KLF13: variants seen among roughly 807,000 people sequenced by gnomAD.
KLF13 encodes the protein Krueppel-like factor 13.
In KLF13, 8 loss-of-function variants were observed where a neutral mutation model predicts 16.7. That is an observed-to-expected ratio of 0.48 (90% CI 0.28 to 0.87). The LOEUF is 0.87. Ranked by LOEUF, KLF13 falls within the 40% of genes least tolerant of loss-of-function variation. The pLI is 0.10. For missense variants in KLF13, 447 were observed against 452.2 expected (o/e 0.99, Z 0.10); for synonymous variants, 245 against 208.4 (o/e 1.18, Z -1.51).
chr15:31,369,858 C>G (rs565187682), intron 1 of KLF13, among the ~76,000 whole-genome samples: 1 of 152,274 alleles, frequency 6.6e-6, no homozygotes, highest in African/African-American at 2.4e-5. Context: ...TGATGTCTAT[C>G]CCAGCCTTGT....
At chr15:31,408,433 T>A (rs949243121), downstream of KLF13, among the ~76,000 whole-genome samples, 3 of 152,116 alleles carry the variant, frequency 2.0e-5, no homozygotes, top group African/African-American at 7.2e-5. Flanking sequence ...AACAGTGTCA[T>A]CCTTATGAGA....
At chr15:31,424,624 C>A (rs2040379934) in intron 1 of KLF13, among the ~76,000 whole-genome samples, 1 of 152,066 alleles carries the variant, frequency 6.6e-6, no homozygotes, top group African/African-American at 2.4e-5. Context: ...AAGATATTAT[C>A]TGACCATATT....
intron 2 of KLF13, among the ~76,000 whole-genome samples, chr15:31,396,823 C>T (rs2039957148): frequency 6.6e-6 from 1 of 152,122 alleles, no homozygotes; most frequent in Non-Finnish European, 1.5e-5. Flanking sequence ...GCAGTCTAGT[C>T]CCTAGGCAGG....
At chr15:31,369,957 C>T (rs1172642309) in intron 1 of KLF13, among the ~76,000 whole-genome samples, 1 of 152,006 alleles carries the variant, frequency 6.6e-6, no homozygotes, top group Non-Finnish European at 1.5e-5. Flanking sequence ...TCTGACATTG[C>T]AGAGCTTCTC....
chr15:31,405,918 A>G (rs549390460), downstream of KLF13, among the ~76,000 whole-genome samples: 9 of 152,236 alleles, frequency 5.9e-5, no homozygotes, highest in Non-Finnish European at 1.3e-4. Context: ...AAGGCAATGA[A>G]TAGAATAAGA....
chr15:31,397,783 G>A (rs911467603), intron 2 of KLF13, among the ~76,000 whole-genome samples: 3 of 151,116 alleles, frequency 2.0e-5, no homozygotes, highest in Non-Finnish European at 4.4e-5. Context: ...AATGTCAGAG[G>A]GATGAACTAC....
intron 1 of KLF13, among the ~76,000 whole-genome samples, chr15:31,333,920 C>T (rs2038880342): frequency 6.6e-6 from 1 of 151,994 alleles, no homozygotes; most frequent in African/African-American, 2.4e-5. Flanking sequence ...CAAAATATGG[C>T]ACAGGTGATA....
intron 1 of KLF13, among the ~76,000 whole-genome samples, chr15:31,410,669 A>T (rs1167409593): frequency 1.3e-5 from 2 of 152,116 alleles, no homozygotes; most frequent in African/African-American, 4.8e-5. Context: ...AAATATCATC[A>T]GAGATAAAGG....
chr15:31,327,811 C>A, intron 1 of KLF13, 22 bp downstream of exon 1: 1 of 1,442,140 alleles, frequency 6.9e-7, no homozygotes, highest in Non-Finnish European at 9.2e-7. Context: ...GGCGCGGGCG[C>A]CCGGATCGCG....
chr15:31,428,972 G>A (rs577289793), intron 1 of KLF13, among the ~76,000 whole-genome samples: 40 of 152,242 alleles, frequency 2.6e-4, no homozygotes, highest in African/African-American at 9.4e-4. Context: ...CAGACAATGT[G>A]TAGTTGGCAA....
chr15:31,427,031 G>T (rs2040408452), intron 1 of KLF13, among the ~76,000 whole-genome samples: 1 of 152,202 alleles, frequency 6.6e-6, no homozygotes, highest in South Asian at 2.1e-4. Flanking sequence ...CTCGAACTGA[G>T]ATTTACATCA....
intron 1 of KLF13, among the ~76,000 whole-genome samples, chr15:31,368,019 C>T (rs561792383): frequency 1.4e-4 from 21 of 151,556 alleles, no homozygotes; most frequent in Non-Finnish European, 3.1e-4. Flanking sequence ...CCCCTTTCTC[C>T]CCCTTCTCAC....
chr15:31,405,124 C>G (rs771903733), downstream of KLF13, among the ~76,000 whole-genome samples: 6 of 152,094 alleles, frequency 3.9e-5, no homozygotes, highest in South Asian at 1.2e-3. Context: ...CTAGGTCATG[C>G]GAGCAGAGCT....
chr15:31,392,084 C>T (rs1260212929), upstream of KLF13, among the ~76,000 whole-genome samples: 1 of 152,046 alleles, frequency 6.6e-6, no homozygotes. Context: ...ACCCCCGGGT[C>T]GCGGTCTCCA....
intron 1 of KLF13, among the ~76,000 whole-genome samples, chr15:31,355,697 A>C (rs13329095): frequency 0.42 from 64,568 of 151,992 alleles, 14,648 homozygotes; most frequent in East Asian, 0.56. Flanking sequence ...TGGAGCCAGC[A>C]TGCGGTATTT....
chr15:31,327,129 C>G lies in KLF13; in HGVS notation c.-84C>G, dbSNP rs2038723193. On this transcript the variant is annotated 5_prime_UTR_variant, in exon 1 of 2. Transcript: ENST00000307145. Reference sequence around the variant, plus strand: ...AGAGGGCGCGCCGCGCCCCCGCCCCCCGCCCGCTCTCCCGAGGCCGTGGGT... The same window carrying G: ...AGAGGGCGCGCCGCGCCCCCGCCCCGCGCCCGCTCTCCCGAGGCCGTGGGT... 8.6e-7 allele frequency: 1 copy of G among 1,164,566 alleles called. No homozygotes were observed. The highest frequency in any genetic ancestry group is 1.1e-6 in the Non-Finnish European group (1 of 937,152). The allele number at this position is 1,164,566 out of a possible 1,614,324, so 72.1% of individuals were successfully genotyped here.
In KLF13 at chr15:31,372,421, T is replaced by G. The variant is rs1429696481; in HGVS notation, c.*122T>G. 9.1e-7 allele frequency: 1 copy of G among 1,093,132 alleles called. No individual in the cohort carries two copies. Among genetic ancestry groups the G allele is most frequent in the Non-Finnish European group, 1.2e-6 (1 of 825,292 alleles). The allele number at this position is 1,093,132 out of a possible 1,614,324, so 67.7% of individuals were successfully genotyped here. A position where few individuals can be genotyped will look rare whatever the true frequency, so the allele number is the denominator to read the frequency against. ...CCACGAAAAAACAATTTTTTTCACC[T>G]CAGGTGTCAAAGTAAATTTGTTAAA... On this transcript the variant is annotated 3_prime_UTR_variant, in exon 2 of 2. Coordinates refer to ENST00000307145, the MANE Select transcript of KLF13 (RefSeq NM_015995.4).
intron 1 of KLF13, among the ~76,000 whole-genome samples, chr15:31,413,691 G>T (rs1217246753): frequency 1.3e-5 from 2 of 152,098 alleles, no homozygotes; most frequent in Non-Finnish European, 1.5e-5. Context: ...AAAACCCAGA[G>T]AATTTCTTGC....
At chr15:31,370,048 T>C (rs917455508) in intron 1 of KLF13, among the ~76,000 whole-genome samples, 53 of 149,790 alleles carry the variant, frequency 3.5e-4, no homozygotes, top group South Asian at 8.4e-4. Context: ...CTTTTTCTTT[T>C]TTTTTTTTTT....
Sources: gnomAD v4.1 joint callset for allele counts (sites outside exome capture counted in the v4.1 genomes callset) on GRCh38, gnomAD v4.1.1 for gene constraint, MANE v1.5 for transcripts, NCBI Gene and HGNC (gene_info 2026-07-23, HGNC 2026-07-21) for gene names.